DAOA: variants seen among roughly 807,000 people sequenced by gnomAD.
The protein encoded by DAOA is D-amino acid oxidase regulator.
Under a neutral mutation model 16.4 loss-of-function variants are expected in DAOA, and 15 were observed. That is an observed-to-expected ratio of 0.91 (90% CI 0.61 to 1.41). The LOEUF (loss-of-function observed/expected upper bound fraction) is 1.41, where lower values mean the gene tolerates loss of function less well. Among genes scored for constraint, DAOA ranks in the 40% most tolerant of loss-of-function variants. The pLI, the probability that DAOA is intolerant of heterozygous loss-of-function variation, is 0.00. For missense variants in DAOA, 230 were observed against 176.8 expected (o/e 1.30, Z -1.71); for synonymous variants, 75 against 59.1 (o/e 1.27, Z -1.23).
chr13:105,466,877 A>G (rs922857344), intron 2 of DAOA, 176 bp from the exon 3 acceptor site: 34 of 878,166 alleles, frequency 3.9e-5, no homozygotes, highest in South Asian at 1.1e-4. Flanking sequence ...GCAAACCTCA[A>G]TATCTTCATC....
chr13:105,487,591 G>GA (rs5806501), intron 4 of DAOA, among the ~76,000 whole-genome samples: 347 of 138,122 alleles, frequency 2.5e-3, no homozygotes, highest in Middle Eastern at 0.016. Context: ...AAGAAAAAAA[G>GA]AAAAAAAAAA....
intron 3 of DAOA, among the ~76,000 whole-genome samples, chr13:105,468,553 C>A (rs978558244): frequency 4.6e-5 from 7 of 152,188 alleles, no homozygotes; most frequent in African/African-American, 1.7e-4. Context: ...TTAATAGATT[C>A]TCTTTAACAA....
At chr13:105,480,402 A>T (rs1257374883) in intron 4 of DAOA, among the ~76,000 whole-genome samples, 1 of 152,028 alleles carries the variant, frequency 6.6e-6, no homozygotes, top group Non-Finnish European at 1.5e-5. Flanking sequence ...GAGGAATGTC[A>T]ATGGTAGACA....
At chr13:105,475,630 A>T (rs951144261) in intron 4 of DAOA, among the ~76,000 whole-genome samples, 1 of 152,202 alleles carries the variant, frequency 6.6e-6, no homozygotes, top group Non-Finnish European at 1.5e-5. Context: ...GAAGGTAAAA[A>T]TATCTCAGAT....
At chr13:105,472,834 C>T (rs1877068029) in intron 4 of DAOA, 149 bp downstream of exon 4, 1 of 573,836 alleles carries the variant, frequency 1.7e-6, no homozygotes, top group Non-Finnish European at 2.7e-6. Flanking sequence ...TTGTCTATTA[C>T]ATAGGAACCA....
rs775046119 is a variant in DAOA at position 105,489,966 on chromosome 13, A to C, written c.347A>C (p.Tyr116Ser). Residue 116 changes from tyrosine (Y) to serine (S), a missense_variant, in exon 5 of 6, where the codon TAT becomes TCT. Tyr to Ser is a moderately radical substitution (Grantham distance 144, BLOSUM62 -2). Transcript: ENST00000375936. ...GCAAGAAACTATGAGTTCCTTGCCT[A>C]TGAGGCCTCTAAGGACCGCAGGCAG... ...FMARNYEFLA[Y>S]EASKDRRQPL... The C allele has an allele frequency of 6.2e-7, 1 of 1,613,630 alleles. No homozygotes were observed. The highest frequency in any genetic ancestry group is 2.2e-5 in the East Asian group (1 of 44,844).
intron 3 of DAOA, among the ~76,000 whole-genome samples, chr13:105,471,131 G>A (rs1436087817): frequency 6.6e-6 from 1 of 151,886 alleles, no homozygotes; most frequent in African/African-American, 2.4e-5. Flanking sequence ...CACCATGTTG[G>A]CCAGGCTGGT....
chr13:105,482,661 C>G (rs1384080915), intron 4 of DAOA, among the ~76,000 whole-genome samples: 2 of 151,992 alleles, frequency 1.3e-5, no homozygotes, highest in Non-Finnish European at 2.9e-5. Context: ...GTGCCCACCA[C>G]CACGTCTGGC....
At chr13:105,481,816 A>ATC (rs887377681) in intron 4 of DAOA, among the ~76,000 whole-genome samples, 1 of 151,870 alleles carries the variant, frequency 6.6e-6, no homozygotes, top group Admixed American at 6.6e-5. Context: ...TCAGCTAACA[A>ATC]TCTCTCTCTC....
intron 4 of DAOA, among the ~76,000 whole-genome samples, chr13:105,488,228 A>G (rs1878266535): frequency 6.6e-6 from 1 of 152,130 alleles, no homozygotes; most frequent in African/African-American, 2.4e-5. Context: ...TTTAAGTGTA[A>G]TATTCTTGTC....
chr13:105,489,579 G>A (rs933039083), intron 4 of DAOA, among the ~76,000 whole-genome samples: 4 of 152,214 alleles, frequency 2.6e-5, no homozygotes, highest in Admixed American at 2.6e-4. Context: ...TTCTCAGTAA[G>A]CTAGACTTGT....
chr13:105,484,493 C>T lies in DAOA; in HGVS notation c.282-5408C>T, dbSNP rs140115550. Among the ~76,000 whole-genome samples the T allele has an allele frequency of 9.7e-3, 1,469 of 152,018 alleles. 23 individuals carry two copies. Among genetic ancestry groups the T allele is most frequent in the African/African-American group, 0.032 (1,349 of 41,528 alleles). Reference sequence around the variant, plus strand: ...TTTATTTAGGTAATCATTAATTTTTCCTTAGTGTTTTCTATTTTTAACTGT... The same window carrying T: ...TTTATTTAGGTAATCATTAATTTTTTCTTAGTGTTTTCTATTTTTAACTGT... On this transcript the variant is annotated intron_variant, in intron 4 of 5. Transcript: ENST00000375936.
chr13:105,476,799 A>T (rs1457942897), intron 4 of DAOA, among the ~76,000 whole-genome samples: 2 of 149,254 alleles, frequency 1.3e-5, no homozygotes, highest in African/African-American at 4.9e-5. Context: ...TCTCAGCACG[A>T]TTCCAGTCCC....
rs147257124 is a variant in DAOA at position 105,490,087 on chromosome 13, G to A, written c.*6G>A. 5.8e-6 allele frequency: 9 copies of A among 1,548,394 alleles called. No individual in the cohort carries two copies. In the East Asian group the frequency reaches 2.2e-4, roughly 38 times the overall value. ...CTTCTACCAAAGCTGAATGAGTTTG[G>A]AAGCAGATTCTTCCCAGCCAATCCT... is the stretch of plus-strand genomic sequence containing the variant. On this transcript the variant is annotated 3_prime_UTR_variant, in exon 5 of 6. Transcript: ENST00000375936.
intron 4 of DAOA, among the ~76,000 whole-genome samples, chr13:105,484,405 T>C (rs578063340): frequency 1.3e-5 from 2 of 152,260 alleles, no homozygotes; most frequent in South Asian, 2.1e-4. Context: ...ATAGATGAAT[T>C]TGGGGACAAC....
At chr13:105,484,076 C>T (rs147614853) in intron 4 of DAOA, among the ~76,000 whole-genome samples, 68 of 152,094 alleles carry the variant, frequency 4.5e-4, no homozygotes, top group Middle Eastern at 3.4e-3. Context: ...AAAGATTAAC[C>T]GTTTTGTAAT....
intron 4 of DAOA, among the ~76,000 whole-genome samples, chr13:105,482,357 AT>A (rs67240766): frequency 0.037 from 5,227 of 142,794 alleles, 176 homozygotes; most frequent in African/African-American, 0.087. Flanking sequence ...TTTAACTCTC[AT>A]TTTTTTTTTT....
In DAOA at chr13:105,487,486, A is replaced by G. The variant is rs371022532; in HGVS notation, c.282-2415A>G. On this transcript the variant is annotated intron_variant, in intron 4 of 5. Transcript: ENST00000375936. ...TCCCTGTCTTTGGAATTTACATTTT[A>G]GAAATCATTTCCTCTCCCTGATACC... is the stretch of plus-strand genomic sequence containing the variant. 1.4e-4 allele frequency among the ~76,000 whole-genome samples: 22 copies of G among 152,218 alleles called. No homozygotes were observed. In the East Asian group the frequency reaches 2.5e-3, roughly 17 times the overall value.
intron 4 of DAOA, among the ~76,000 whole-genome samples, chr13:105,481,479 G>A (rs1300492059): frequency 6.6e-6 from 1 of 152,050 alleles, no homozygotes; most frequent in Non-Finnish European, 1.5e-5. Context: ...TTTCATATAT[G>A]TTTTTATTCA....
Sources: gnomAD v4.1 joint callset for allele counts (sites outside exome capture counted in the v4.1 genomes callset) on GRCh38, gnomAD v4.1.1 for gene constraint, MANE v1.5 for transcripts, NCBI Gene and HGNC (gene_info 2026-07-23, HGNC 2026-07-21) for gene names.